The following CLVS1 variants were observed in gnomAD, a reference collection of about 807,000 sequenced individuals.
The protein encoded by CLVS1 is clavesin 1.
In CLVS1, 10 loss-of-function variants were observed where a neutral mutation model predicts 33.1. The observed-to-expected ratio is 0.30, with a 90% confidence interval of 0.19 to 0.51. The LOEUF (loss-of-function observed/expected upper bound fraction) is 0.51. CLVS1 is among the 20% of genes least tolerant of loss of function. The pLI, the probability that CLVS1 is intolerant of heterozygous loss-of-function variation, is 0.97. For synonymous variants in CLVS1, 163 were observed against 166.1 expected (o/e 0.98, Z 0.14); for missense variants, 343 against 433.4 (o/e 0.79, Z 1.85).
At chr8:61,425,542 ACTAT>A (rs1276962667) in intron 3 of CLVS1, among the ~76,000 whole-genome samples, 3 of 152,198 alleles carry the variant, frequency 2.0e-5, no homozygotes, top group Non-Finnish European at 4.4e-5. Context: ...AACCATTACC[ACTAT>A]CTAATTCCAG....
chr8:61,275,172 C>T (rs1809537357), intron 2 of CLVS1, among the ~76,000 whole-genome samples: 1 of 152,048 alleles, frequency 6.6e-6, no homozygotes. Context: ...CTACAGATTG[C>T]TTTTATTTTT....
intron 5 of CLVS1, among the ~76,000 whole-genome samples, chr8:61,468,528 T>C (rs896844772): frequency 6.6e-6 from 1 of 152,026 alleles, no homozygotes; most frequent in African/African-American, 2.4e-5. Context: ...GACTAGAGTA[T>C]AGAAAATGCT....
chr8:61,322,464 C>T (rs982954868), intron 2 of CLVS1, among the ~76,000 whole-genome samples: 8 of 152,114 alleles, frequency 5.3e-5, no homozygotes, highest in Non-Finnish European at 1.2e-4. Context: ...TCATCTCTCT[C>T]CTGCACAACT....
chr8:61,287,777 C>T (rs973720269), upstream of CLVS1, among the ~76,000 whole-genome samples: 5 of 152,062 alleles, frequency 3.3e-5, no homozygotes, highest in Non-Finnish European at 7.4e-5. Flanking sequence ...TTTCATTAAT[C>T]CGTTTGAAAT....
chr8:61,305,298 T>C (rs1050206528), intron 2 of CLVS1, among the ~76,000 whole-genome samples: 2 of 151,948 alleles, frequency 1.3e-5, no homozygotes, highest in African/African-American at 4.8e-5. Flanking sequence ...GTACCTACGT[T>C]TATATTCTTT....
intron 1 of CLVS1, among the ~76,000 whole-genome samples, chr8:61,072,078 G>A (rs1412292645): frequency 6.6e-6 from 1 of 152,164 alleles, no homozygotes; most frequent in Non-Finnish European, 1.5e-5. Context: ...CCTCTTTCTA[G>A]TCTCTGAAGT....
chr8:61,445,811 G>A (rs1442760114), intron 3 of CLVS1, among the ~76,000 whole-genome samples: 1 of 152,114 alleles, frequency 6.6e-6, no homozygotes, highest in African/African-American at 2.4e-5. Context: ...TTTATTCTTG[G>A]TAGATTTATA....
chr8:61,273,438 C>T (rs1031662677), intron 2 of CLVS1, among the ~76,000 whole-genome samples: 3 of 152,164 alleles, frequency 2.0e-5, no homozygotes, highest in Admixed American at 1.3e-4. Context: ...TTACTGCTGT[C>T]TTTTTGTTTG....
the CLVS1 span, among the ~76,000 whole-genome samples, chr8:61,033,823 G>C: frequency 6.6e-6 from 1 of 152,184 alleles, no homozygotes; most frequent in Non-Finnish European, 1.5e-5. Flanking sequence ...CCTGACAGAT[G>C]AGTCAAGTCT....
At chr8:61,097,301 T>TA (rs919533408) in intron 1 of CLVS1, among the ~76,000 whole-genome samples, 3 of 151,094 alleles carry the variant, frequency 2.0e-5, no homozygotes, top group Admixed American at 2.0e-4. Context: ...CAAAAAAAAA[T>TA]AAAAAAATTA....
intron 1 of CLVS1, among the ~76,000 whole-genome samples, chr8:61,289,797 A>G (rs986838469): frequency 4.6e-5 from 7 of 152,240 alleles, no homozygotes; most frequent in Non-Finnish European, 1.0e-4. Flanking sequence ...GAAAATTCAT[A>G]CTTAAGTCTC....
intron 3 of CLVS1, among the ~76,000 whole-genome samples, chr8:61,439,190 G>T (rs1045762413): frequency 1.3e-5 from 2 of 152,120 alleles, no homozygotes; most frequent in Non-Finnish European, 1.5e-5. Context: ...TTCTGGCATC[G>T]ATTTCCTCTG....
intron 2 of CLVS1, among the ~76,000 whole-genome samples, chr8:61,140,220 T>G (rs17831345): frequency 0.54 from 82,772 of 152,042 alleles, 23,239 homozygotes; most frequent in East Asian, 0.72. Flanking sequence ...CTGCAAAAGC[T>G]GAATCTTTGC....
Position 61,481,534 on chromosome 8 carries a change from C to T in CLVS1, c.978-17921C>T, listed in dbSNP as rs147216724. On this transcript the variant is annotated intron_variant, in intron 5 of 5. Transcript: ENST00000325897. ...CTTTTCCAACGGCCTTAGCAAATGG[C>T]ACACCAGGAGATTATATTCCATGCC... 4.1e-3 allele frequency among the ~76,000 whole-genome samples: 628 copies of T among 152,302 alleles called. 3 individuals carry two copies. The highest frequency in any genetic ancestry group is 0.014 in the African/African-American group (597 of 41,566).
intron 1 of CLVS1, among the ~76,000 whole-genome samples, chr8:61,112,057 C>G (rs1158584811): frequency 6.6e-6 from 1 of 152,010 alleles, no homozygotes; most frequent in Non-Finnish European, 1.5e-5. Context: ...GAATAGTTAA[C>G]TAAAGTTGTG....
At chr8:61,177,836 C>G (rs1807148407) in intron 2 of CLVS1, among the ~76,000 whole-genome samples, 1 of 150,314 alleles carries the variant, frequency 6.7e-6, no homozygotes, top group Non-Finnish European at 1.5e-5. Context: ...AAAACCTCAT[C>G]CAAGGGTCAG....
At chr8:61,297,221 T>C (rs1810245347) in intron 1 of CLVS1, among the ~76,000 whole-genome samples, 1 of 152,114 alleles carries the variant, frequency 6.6e-6, no homozygotes, top group East Asian at 1.9e-4. Context: ...TAGATGCTAA[T>C]GATGGATATT....
intron 2 of CLVS1, among the ~76,000 whole-genome samples, chr8:61,193,891 TA>T (rs1807547837): frequency 6.6e-6 from 1 of 152,098 alleles, no homozygotes; most frequent in Non-Finnish European, 1.5e-5. Flanking sequence ...CTTGAGGGAT[TA>T]AAACGATAAA....
rs73265486 is a variant in CLVS1, at chr8:61,256,680, C to G, written c.-151-42997C>G. On this transcript the variant is annotated intron_variant, in intron 2 of 2. Transcript: ENST00000522621. ...AAATATTATTTTAAAAACTAACCTA[C>G]TCTTTATAGGAATCAAATGGCAAAT... Among the ~76,000 whole-genome samples, 1,385 of 151,268 alleles carry G rather than the reference C, an allele frequency of 9.2e-3. 34 individuals are homozygous for G. Among genetic ancestry groups the G allele is most frequent in the African/African-American group, 0.031 (1,280 of 40,686 alleles).
Sources: allele counts gnomAD v4.1 joint callset (sites outside exome capture counted in the v4.1 genomes callset), GRCh38; gene constraint gnomAD v4.1.1; transcripts MANE v1.5; gene names NCBI Gene and HGNC (gene_info 2026-07-23, HGNC 2026-07-21).